The following OSBPL10 variants were observed in gnomAD, a reference collection of about 807,000 sequenced individuals.
OSBPL10 encodes the protein oxysterol binding protein like 10, also known as oxysterol-binding protein-related protein 10.
OSBPL10 carries 49 observed loss-of-function variants against 81.7 expected under a neutral mutation model. That is an observed-to-expected ratio of 0.60 (90% CI 0.48 to 0.76). The LOEUF (loss-of-function observed/expected upper bound fraction) is 0.76. Ranked by LOEUF, OSBPL10 falls within the 30% of genes least tolerant of loss-of-function variation. The probability of loss-of-function intolerance (pLI) is 0.00; values close to 1 mark genes in which losing one functional copy is unlikely to be tolerated. For missense variants in OSBPL10, 923 were observed against 987.8 expected (o/e 0.93, Z 0.88); for synonymous variants, 419 against 383.6 (o/e 1.09, Z -1.08).
At chr3:31,712,373 T>C (rs1445422763) in intron 6 of OSBPL10, among the ~76,000 whole-genome samples, 1 of 152,128 alleles carries the variant, frequency 6.6e-6, no homozygotes, top group Non-Finnish European at 1.5e-5. Flanking sequence ...GCACTTTAAG[T>C]GACAAGGGGG....
chr3:31,807,433 T>C (rs1699548601), intron 4 of OSBPL10, among the ~76,000 whole-genome samples: 1 of 150,464 alleles, frequency 6.6e-6, no homozygotes, highest in Non-Finnish European at 1.5e-5. Flanking sequence ...TGTTGGAGGA[T>C]ATATGGTGGG....
At position 31,766,750 on chromosome 3, in the gene OSBPL10, T is replaced by C. The variant is rs558228479; in HGVS notation, c.730-18630A>G. ...CAACTGGAACATCAGTTAAGGCTTT[T>C]ATCCAAGACAATTAATCAAATAATG... On this transcript the variant is annotated intron_variant, in intron 4 of 11. Coordinates refer to ENST00000396556, the MANE Select transcript of OSBPL10 (RefSeq NM_017784.5). 2.0e-5 allele frequency among the ~76,000 whole-genome samples: 3 copies of C among 152,354 alleles called. No individual in the cohort carries two copies. In the South Asian group the frequency reaches 6.2e-4, roughly 32 times the overall value.
intron 3 of OSBPL10, among the ~76,000 whole-genome samples, chr3:31,868,439 C>T (rs893463196): frequency 2.0e-5 from 3 of 152,046 alleles, no homozygotes; most frequent in Admixed American, 2.0e-4. Flanking sequence ...CATTCCACCT[C>T]CCCCGCCATT....
chr3:32,005,784 T>A (rs1412294837), intron 2 of OSBPL10, among the ~76,000 whole-genome samples: 2 of 152,048 alleles, frequency 1.3e-5, no homozygotes, highest in Non-Finnish European at 2.9e-5. Flanking sequence ...AGATGGGGTT[T>A]CACCGTGTTA....
chr3:31,863,802 A>C (rs1453048128), intron 3 of OSBPL10, among the ~76,000 whole-genome samples: 1 of 152,008 alleles, frequency 6.6e-6, no homozygotes, highest in Non-Finnish European at 1.5e-5. Flanking sequence ...ATAAAAAAAA[A>C]TTGTTATACT....
intron 1 of OSBPL10, among the ~76,000 whole-genome samples, chr3:31,911,296 G>T (rs1696570188): frequency 6.6e-6 from 1 of 152,106 alleles, no homozygotes; most frequent in Non-Finnish European, 1.5e-5. Context: ...AAACAAATGG[G>T]CATGACTGTG....
chr3:31,666,394 A>G (rs1310360629), intron 10 of OSBPL10, among the ~76,000 whole-genome samples: 1 of 152,226 alleles, frequency 6.6e-6, no homozygotes, highest in South Asian at 2.1e-4. Flanking sequence ...AGGCCTCACC[A>G]AGGGCTGGCA....
At chr3:31,990,470 A>G (rs1808125) in intron 2 of OSBPL10, 76,333 of 914,034 alleles carry the variant, frequency 0.084, 21,273 homozygotes, top group East Asian at 0.71. Context: ...AAGACCTTCC[A>G]TCACAATTCA....
chr3:31,971,324 G>T (rs998862070), intron 1 of OSBPL10, among the ~76,000 whole-genome samples: 1 of 151,978 alleles, frequency 6.6e-6, no homozygotes, highest in Non-Finnish European at 1.5e-5. Context: ...ATTTTTAGTA[G>T]AGACAGGGTT....
Position 31,879,808 on chromosome 3 carries a change from C to G in OSBPL10, c.304G>C (p.Ala102Pro). The change falls in exon 2 of 12, where the codon GCT (alanine) becomes CCT (proline). Residue 102 changes from alanine (A) to proline (P), a missense_variant. By Grantham distance (27) the Ala-to-Pro change is conservative (BLOSUM62 -1). Coordinates refer to ENST00000396556, the MANE Select transcript of OSBPL10 (RefSeq NM_017784.5). ...TTCACAAAATACTGCAGGATGCCAG[C>G]CTCGAAATCCAGTACGAAGTACCTG... ...QNRYFVLDFEAGILQYFVNEQ... is the reference protein window; with the variant it reads ...QNRYFVLDFEPGILQYFVNEQ... 1 of 1,613,952 alleles carries G rather than the reference C, an allele frequency of 6.2e-7. No homozygotes were observed. The highest frequency in any genetic ancestry group is 8.5e-7 in the Non-Finnish European group (1 of 1,179,940).
At chr3:31,715,988 C>T (rs573907397) in intron 6 of OSBPL10, among the ~76,000 whole-genome samples, 24 of 152,280 alleles carry the variant, frequency 1.6e-4, no homozygotes, top group East Asian at 5.8e-4. Flanking sequence ...CTGAACTCTA[C>T]GGCAGGGACA....
At chr3:31,829,971 T>G in intron 4 of OSBPL10, 69 bp downstream of exon 4, 3 of 1,429,954 alleles carry the variant, frequency 2.1e-6, no homozygotes, top group East Asian at 2.4e-5. Flanking sequence ...GGAAGAGGAG[T>G]CGGCAGAGCG....
At chr3:31,805,736 A>G (rs1368558978) in intron 4 of OSBPL10, among the ~76,000 whole-genome samples, 2 of 152,212 alleles carry the variant, frequency 1.3e-5, no homozygotes, top group Non-Finnish European at 2.9e-5. Context: ...TTAGTAGACA[A>G]AAAAGTATCT....
In OSBPL10 at chr3:31,990,904, C is replaced by T. The variant is rs12107615; in HGVS notation, n.298+55587G>A. The T allele has an allele frequency of 3.4e-5, 54 of 1,575,450 alleles. No homozygotes were observed. Among genetic ancestry groups the T allele is most frequent in the Middle Eastern group, 3.3e-4 (2 of 6,004 alleles). On this transcript the variant is annotated intron_variant and non_coding_transcript_variant, in intron 2 of 3. Transcript: ENST00000479173. ...CAAAGCCTTTACTTCACATTCACAT[C>T]GCATTAGACATCAGAGAATCCATAC...
At chr3:31,758,047 A>G (rs1422176299) in intron 4 of OSBPL10, among the ~76,000 whole-genome samples, 1 of 152,224 alleles carries the variant, frequency 6.6e-6, no homozygotes, top group Non-Finnish European at 1.5e-5. Context: ...TCAATGGAGA[A>G]GGCACAAACT....
At chr3:31,675,933 G>C (rs796180818) in intron 8 of OSBPL10, among the ~76,000 whole-genome samples, 29 of 132,848 alleles carry the variant, frequency 2.2e-4, no homozygotes, top group Non-Finnish European at 4.0e-4. Context: ...GCGACAGAGC[G>C]AGACTCCATC....
chr3:32,065,414 C>T (rs1325425039), intron 1 of OSBPL10: 1 of 92,218 alleles, frequency 1.1e-5, no homozygotes, highest in Non-Finnish European at 2.9e-5. Context: ...ACACAGATAA[C>T]TCCAGAAGAC....
At chr3:31,698,672 G>A (rs1298735358) in intron 7 of OSBPL10, among the ~76,000 whole-genome samples, 1 of 151,914 alleles carries the variant, frequency 6.6e-6, no homozygotes, top group South Asian at 2.1e-4. Flanking sequence ...TGCCAAACAA[G>A]GTCCATCTTG....
At position 31,832,673 on chromosome 3, in the gene OSBPL10, CAG is replaced by C. The variant is rs139772307; in HGVS notation, c.538-2444_538-2443del. On this transcript the variant is annotated intron_variant, in intron 3 of 11. Coordinates refer to ENST00000396556, the MANE Select transcript of OSBPL10 (RefSeq NM_017784.5). ...TGCACACTTACAAGATGGTGCATAA[CAG>C]GGGCTAATTTGGCAATACAGCCAGA... Among the ~76,000 whole-genome samples, 209 of 152,246 alleles carry C rather than the reference CAG, an allele frequency of 1.4e-3. 3 individuals are homozygous for C. The highest frequency in any genetic ancestry group is 4.3e-3 in the African/African-American group (180 of 41,560).
Sources: allele counts gnomAD v4.1 joint callset (sites outside exome capture counted in the v4.1 genomes callset), GRCh38; gene constraint gnomAD v4.1.1; transcripts MANE v1.5; gene names NCBI Gene and HGNC (gene_info 2026-07-23, HGNC 2026-07-21).